The following LRP1B variants were observed in gnomAD, a reference collection of about 807,000 sequenced individuals.
LRP1B encodes the protein low-density lipoprotein receptor-related protein 1B.
Under a neutral mutation model 556.6 loss-of-function variants are expected in LRP1B, and 217 were observed. That is an observed-to-expected ratio of 0.39 (90% CI 0.35 to 0.44). LRP1B has a LOEUF of 0.44. LRP1B is among the 20% of genes least tolerant of loss of function. The probability of loss-of-function intolerance (pLI) is 1.00; values close to 1 mark genes in which losing one functional copy is unlikely to be tolerated. For missense variants in LRP1B, 5,053 were observed against 5,620.8 expected, an observed-to-expected ratio of 0.90 and a Z score of 3.23; for synonymous variants, 2,047 against 1,865.8, an observed-to-expected ratio of 1.10 and a Z score of -2.50.
Position 140,306,937 on chromosome 2 carries a change from T to A in LRP1B, c.12805+7998A>T, listed in dbSNP as rs551614956. ...GTACCCAGTAGTCATTCAGGAGCAA[T>A]AGTAAATATTATTAAGGTCTATATT... is the stretch of plus-strand genomic sequence containing the variant. On this transcript the variant is annotated intron_variant, in intron 83 of 90. Transcript: ENST00000389484. Among the ~76,000 whole-genome samples, 36 of 151,524 alleles carry A rather than the reference T, an allele frequency of 2.4e-4. 1 individual carries two copies. The South Asian group carries it at 6.6e-3, about 28-fold the overall frequency.
At chr2:141,611,404 A>C (rs1688103936) in intron 2 of LRP1B, among the ~76,000 whole-genome samples, 1 of 152,196 alleles carries the variant, frequency 6.6e-6, no homozygotes, top group Admixed American at 6.5e-5. Context: ...AAGTCAAGAA[A>C]GGTTGTGTCC....
intron 3 of LRP1B, among the ~76,000 whole-genome samples, chr2:141,271,944 A>T (rs917439430): frequency 2.6e-5 from 4 of 152,058 alleles, no homozygotes; most frequent in Non-Finnish European, 4.4e-5. Context: ...ATAATAGCAC[A>T]AAGGAGAAAA....
chr2:140,516,524 T>C (rs1418443460), intron 50 of LRP1B, among the ~76,000 whole-genome samples: 2 of 151,972 alleles, frequency 1.3e-5, no homozygotes, highest in Non-Finnish European at 2.9e-5. Flanking sequence ...GTGGGGGAAA[T>C]ATAACAAGTA....
At chr2:140,645,776 G>A (rs1268420737) in intron 41 of LRP1B, among the ~76,000 whole-genome samples, 5 of 151,632 alleles carry the variant, frequency 3.3e-5, no homozygotes, top group African/African-American at 1.2e-4. Context: ...CTGAACTCGT[G>A]ATCCGCCCGC....
rs527705830 is a variant in LRP1B, at chr2:140,628,468, C to T, written c.6800-26829G>A. On this transcript the variant is annotated intron_variant, in intron 41 of 90. Transcript: ENST00000389484. ...AGGAGAATGGCATGAACCCGGGAGGCGGAGCTTGCAGTGAGCCTAGATCCT... is the reference window on the plus strand; with the variant it reads ...AGGAGAATGGCATGAACCCGGGAGGTGGAGCTTGCAGTGAGCCTAGATCCT... 1.1e-3 allele frequency among the ~76,000 whole-genome samples: 160 copies of T among 149,558 alleles called. 1 individual carries two copies. The highest frequency in any genetic ancestry group is 2.4e-3 in the African/African-American group (96 of 40,602).
At chr2:140,258,953 A>T (rs749809098) in intron 86 of LRP1B, among the ~76,000 whole-genome samples, 1 of 152,262 alleles carries the variant, frequency 6.6e-6, no homozygotes, top group East Asian at 1.9e-4. Flanking sequence ...TCAGATGACT[A>T]TGTCATTAAG....
chr2:140,867,924 A>C, intron 26 of LRP1B, 90 bp from the exon 27 acceptor site: 2 of 1,387,194 alleles, frequency 1.4e-6, no homozygotes, highest in Non-Finnish European at 1.9e-6. Flanking sequence ...ATGACAAAAA[A>C]GGTATTTTAT....
At chr2:142,027,667 G>T (rs1021592884) in intron 1 of LRP1B, among the ~76,000 whole-genome samples, 1 of 128,068 alleles carries the variant, frequency 7.8e-6, no homozygotes, top group Non-Finnish European at 1.7e-5. Flanking sequence ...TACATTAAAA[G>T]ATTAAAACAC....
At position 141,616,599 on chromosome 2, in the gene LRP1B, A is replaced by C. The variant is rs1403426336; in HGVS notation, c.206-136066T>G. 2.0e-5 allele frequency among the ~76,000 whole-genome samples: 3 copies of C among 152,328 alleles called. No individual in the cohort carries two copies. The East Asian group carries it at 5.8e-4, about 29-fold the overall frequency. ...TGCAAAGGCTAACAATTATTACTTTAATTCATGTGAAAATATGTATATCTA... is the reference window on the plus strand; with the variant it reads ...TGCAAAGGCTAACAATTATTACTTTCATTCATGTGAAAATATGTATATCTA... On this transcript the variant is annotated intron_variant, in intron 2 of 90. Transcript: ENST00000389484.
At chr2:140,475,425 C>T in intron 59 of LRP1B, 88 bp from the exon 60 acceptor site, 1 of 946,910 alleles carries the variant, frequency 1.1e-6, no homozygotes, top group Non-Finnish European at 1.5e-6. Context: ...CTCAACTGTT[C>T]CCACATTAAT....
At chr2:141,788,001 ACT>A (rs1268567532) in intron 2 of LRP1B, among the ~76,000 whole-genome samples, 2 of 151,964 alleles carry the variant, frequency 1.3e-5, no homozygotes, top group South Asian at 4.1e-4. Context: ...TTCTGTCCTA[ACT>A]CTGTGCTATT....
rs531700545 is a variant in LRP1B at position 140,702,503 on chromosome 2, C to T, written c.6074G>A (p.Arg2025His). 2.8e-5 allele frequency: 45 copies of T among 1,613,292 alleles called. No homozygotes were observed. The highest frequency in any genetic ancestry group is 3.4e-5 in the Non-Finnish European group (40 of 1,179,620). ...WGQMPCIGKARLDGSEKVVLV... is the reference protein window; with the variant it reads ...WGQMPCIGKAHLDGSEKVVLV... The stretch of plus-strand genomic sequence containing the variant: ...GACAACCTTCTCTGAGCCATCCAAG[C>T]GAGCCTTTCCAATACAGGGCATTTG... The change falls in exon 38 of 91, where the codon CGC (arginine) becomes CAC (histidine). Residue 2025 changes from arginine to histidine, a missense_variant. By Grantham distance (29) the Arg-to-His change is conservative (BLOSUM62 0). This residue lies in a region of LRP1B where 3,619 missense variants were observed against 3,931.9 expected (regional missense o/e 0.92). Transcript: ENST00000389484.
At chr2:141,471,281 T>TGTTTTTGTTTTTG (rs747787803) in intron 3 of LRP1B, among the ~76,000 whole-genome samples, 33,593 of 81,410 alleles carry the variant, frequency 0.41, 5,064 homozygotes, top group East Asian at 0.63. Flanking sequence ...TTTTTTTTTT[T>TGTTTTTGTTTTTG]TTTTTTTTTT....
chr2:140,356,253 C>G, intron 75 of LRP1B, 89 bp downstream of exon 75: 2 of 1,319,878 alleles, frequency 1.5e-6, no homozygotes, highest in Non-Finnish European at 2.2e-6. Context: ...TGATGAAAGT[C>G]AATCCCCTGT....
At chr2:141,881,282 T>A (rs565061502) in intron 1 of LRP1B, among the ~76,000 whole-genome samples, 1 of 152,146 alleles carries the variant, frequency 6.6e-6, no homozygotes, top group East Asian at 1.9e-4. Context: ...GTGGGTTTAA[T>A]GTATTATTTA....
intron 3 of LRP1B, among the ~76,000 whole-genome samples, chr2:141,301,113 T>A (rs1247166760): frequency 2.0e-5 from 3 of 152,146 alleles, no homozygotes; most frequent in Non-Finnish European, 4.4e-5. Flanking sequence ...TATGGAGTTT[T>A]ACATGACTTG....
chr2:140,331,708 A>C (rs1680825230), intron 79 of LRP1B, among the ~76,000 whole-genome samples: 1 of 121,948 alleles, frequency 8.2e-6, no homozygotes, highest in South Asian at 2.6e-4. Flanking sequence ...TATATATATA[A>C]TTTTAAAAGG....
At chr2:140,838,516 T>G (rs1468967676) in intron 31 of LRP1B, among the ~76,000 whole-genome samples, 1 of 152,146 alleles carries the variant, frequency 6.6e-6, no homozygotes, top group Non-Finnish European at 1.5e-5. Context: ...AAAGAATTAT[T>G]TATTGCAAAT....
intron 2 of LRP1B, among the ~76,000 whole-genome samples, chr2:141,674,757 C>T (rs1317700040): frequency 4.0e-5 from 6 of 151,892 alleles, no homozygotes; most frequent in African/African-American, 1.4e-4. Flanking sequence ...GGAATTGTAT[C>T]CAGATATTTC....
Sources: allele counts gnomAD v4.1 joint callset (sites outside exome capture counted in the v4.1 genomes callset), GRCh38; gene constraint gnomAD v4.1.1; regional missense constraint gnomAD v4.1.1; transcripts MANE v1.5; gene names NCBI Gene and HGNC (gene_info 2026-07-23, HGNC 2026-07-21).